Variants in ME3 observed in about 807,000 individuals in gnomAD.
The protein encoded by ME3 is NADP-dependent malic enzyme, mitochondrial.
Under a neutral mutation model 68.9 loss-of-function variants are expected in ME3, and 48 were observed. The ratio of observed to expected loss-of-function variants is 0.70; its 90% CI spans 0.55 to 0.89. The LOEUF (loss-of-function observed/expected upper bound fraction) is 0.89, where lower values mean the gene tolerates loss of function less well. Ranked by LOEUF, ME3 falls within the 40% of genes least tolerant of loss-of-function variation. The pLI, the probability that ME3 is intolerant of heterozygous loss-of-function variation, is 0.00. For missense variants in ME3, 675 were observed against 797.4 expected (o/e 0.85, Z 1.85); for synonymous variants, 320 against 318.8 (o/e 1.00, Z -0.04).
At chr11:86,514,197 A>G (rs12288171) in intron 4 of ME3, among the ~76,000 whole-genome samples, 1,676 of 152,204 alleles carry the variant, frequency 0.011, 35 homozygotes, top group African/African-American at 0.037. Context: ...CTTCCACCAT[A>G]ATCATAAGTT....
intron 2 of ME3, among the ~76,000 whole-genome samples, chr11:86,562,302 G>C (rs80261362): frequency 0.017 from 2,540 of 152,260 alleles, 68 homozygotes; most frequent in African/African-American, 0.058. Context: ...ATTGAAGAAA[G>C]CTTGGTTGCT....
chr11:86,625,022 C>A (rs878932667), intron 2 of ME3, among the ~76,000 whole-genome samples: 2 of 152,158 alleles, frequency 1.3e-5, no homozygotes, highest in Non-Finnish European at 1.5e-5. Flanking sequence ...CCTGAAGTAA[C>A]AGAATACCAT....
chr11:86,570,351 AT>A (rs760980132), intron 2 of ME3, among the ~76,000 whole-genome samples: 40 of 152,238 alleles, frequency 2.6e-4, no homozygotes, highest in Admixed American at 7.2e-4. Flanking sequence ...ACCAGGAGGC[AT>A]TTCCTCCTCC....
chr11:86,555,110 G>A (rs1443417006), intron 4 of ME3, among the ~76,000 whole-genome samples: 1 of 152,114 alleles, frequency 6.6e-6, no homozygotes, highest in Non-Finnish European at 1.5e-5. Flanking sequence ...GAGGCAGACA[G>A]GACCATACGT....
At chr11:86,531,279 C>A (rs1955207762) in intron 4 of ME3, among the ~76,000 whole-genome samples, 1 of 152,174 alleles carries the variant, frequency 6.6e-6, no homozygotes, top group East Asian at 1.9e-4. Flanking sequence ...CAGAGAAATG[C>A]AAATCAAAAC....
At chr11:86,515,868 G>C (rs1220150475) in intron 4 of ME3, among the ~76,000 whole-genome samples, 2 of 152,204 alleles carry the variant, frequency 1.3e-5, no homozygotes, top group African/African-American at 4.8e-5. Flanking sequence ...CACAATGGGA[G>C]GCAGGAAGGT....
In ME3 at chr11:86,521,431, A is replaced by AT. The variant is rs1555221577; in HGVS notation, c.468-12565_468-12564insA. The stretch of plus-strand genomic sequence containing the variant: ...AACAAAACAAAACAAAACAAAACAA[A>AT]AATAATAATAATAATAATAATAAAA... On this transcript the variant is annotated intron_variant, in intron 4 of 14. Coordinates refer to ENST00000543262, the Ensembl canonical transcript of ME3. Among the ~76,000 whole-genome samples the AT allele has an allele frequency of 3.4e-3, 500 of 145,966 alleles. 3 individuals carry two copies. The highest frequency in any genetic ancestry group is 0.012 in the African/African-American group (464 of 38,904).
At chr11:86,558,923 C>G (rs2139458560) in intron 3 of ME3, among the ~76,000 whole-genome samples, 1 of 152,298 alleles carries the variant, frequency 6.6e-6, no homozygotes, top group South Asian at 2.1e-4. Flanking sequence ...GATTTGAACT[C>G]AGTCTAGTAC....
intron 3 of ME3, among the ~76,000 whole-genome samples, chr11:86,558,849 A>T (rs1194406432): frequency 6.6e-6 from 1 of 152,194 alleles, no homozygotes; most frequent in Admixed American, 6.5e-5. Flanking sequence ...TATGGTACTC[A>T]TCGTACCAAT....
chr11:86,532,809 C>A (rs1325965724), intron 4 of ME3, among the ~76,000 whole-genome samples: 4 of 152,212 alleles, frequency 2.6e-5, no homozygotes, highest in African/African-American at 9.6e-5. Context: ...CCTGTAACCC[C>A]AGCATTTTGG....
At chr11:86,438,630 C>T (rs938916601), downstream of ME3, among the ~76,000 whole-genome samples, 1 of 152,110 alleles carries the variant, frequency 6.6e-6, no homozygotes, top group African/African-American at 2.4e-5. Flanking sequence ...TTTTTAATTA[C>T]TAATTTCTTT....
chr11:86,504,189 T>C (rs1269088496), intron 5 of ME3, among the ~76,000 whole-genome samples: 1 of 152,066 alleles, frequency 6.6e-6, no homozygotes, highest in Non-Finnish European at 1.5e-5. Flanking sequence ...CACTCCTCTT[T>C]CTAGGCAAGC....
intron 5 of ME3, 47 bp from the exon 6 acceptor site, chr11:86,498,171 A>T: frequency 4.5e-6 from 7 of 1,565,310 alleles, no homozygotes; most frequent in Non-Finnish European, 6.1e-6. Flanking sequence ...ACTTCCTGTG[A>T]CAGGGTGCTC....
At chr11:86,493,742 G>T (rs1198001449) in intron 6 of ME3, among the ~76,000 whole-genome samples, 2 of 152,202 alleles carry the variant, frequency 1.3e-5, no homozygotes, top group Non-Finnish European at 2.9e-5. Flanking sequence ...GGTATTGGCA[G>T]GTAAAAGTGA....
chr11:86,640,729 G>A (rs1219816098), intron 2 of ME3, among the ~76,000 whole-genome samples: 1 of 152,162 alleles, frequency 6.6e-6, no homozygotes, highest in African/African-American at 2.4e-5. Context: ...TATCTGCCAC[G>A]TTATACCTTC....
chr11:86,451,504 T>C (rs1266740824), intron 8 of ME3, among the ~76,000 whole-genome samples: 1 of 152,220 alleles, frequency 6.6e-6, no homozygotes, highest in Non-Finnish European at 1.5e-5. Context: ...GGATGGAGGC[T>C]ATGCATGGGC....
chr11:86,563,101 T>C (rs981428896), intron 2 of ME3, among the ~76,000 whole-genome samples: 1 of 152,192 alleles, frequency 6.6e-6, no homozygotes, highest in Non-Finnish European at 1.5e-5. Context: ...CCCATGTTTT[T>C]GCTATTGTGA....
chr11:86,528,385 A>G (rs1954932329), intron 4 of ME3, among the ~76,000 whole-genome samples: 2 of 152,226 alleles, frequency 1.3e-5, no homozygotes, highest in Non-Finnish European at 2.9e-5. Flanking sequence ...AAAGAGACTT[A>G]GACTCCCACA....
chr11:86,509,379 G>C lies in ME3; in HGVS notation c.468-512C>G, dbSNP rs144009771. 3.3e-4 allele frequency among the ~76,000 whole-genome samples: 48 copies of C among 146,368 alleles called. No homozygotes were observed. The East Asian group carries it at 9.3e-3, about 28-fold the overall frequency. ...GGGATGGGAAGAGAGGTTAGTGACA[G>C]TCTTGAGCTACTCCATCATCACACA... On this transcript the variant is annotated intron_variant, in intron 4 of 14. Coordinates refer to ENST00000543262, the Ensembl canonical transcript of ME3.
Sources: gnomAD v4.1 joint callset for allele counts (sites outside exome capture counted in the v4.1 genomes callset) on GRCh38, gnomAD v4.1.1 for gene constraint, MANE v1.5 for transcripts, NCBI Gene and HGNC (gene_info 2026-07-23, HGNC 2026-07-21) for gene names.